IQCM: variants seen among roughly 807,000 people sequenced by gnomAD.
The protein encoded by IQCM is IQ motif containing M, also known as IQ domain-containing protein M.
Under a neutral mutation model 57.6 loss-of-function variants are expected in IQCM, and 45 were observed. The ratio of observed to expected loss-of-function variants is 0.78; its 90% CI spans 0.62 to 1.00. The LOEUF is 1.00. Ranked by LOEUF, IQCM falls within the 50% of genes least tolerant of loss-of-function variation. The probability of loss-of-function intolerance (pLI) is 0.00; values close to 1 mark genes in which losing one functional copy is unlikely to be tolerated. For missense variants in IQCM, 468 were observed against 511.6 expected, an observed-to-expected ratio of 0.91 and a Z score of 0.82; for synonymous variants, 148 against 158.9, an observed-to-expected ratio of 0.93 and a Z score of 0.51.
intron 13 of IQCM, among the ~76,000 whole-genome samples, chr4:149,372,432 T>C (rs1730428220): frequency 6.6e-6 from 1 of 152,234 alleles, no homozygotes; most frequent in African/African-American, 2.4e-5. Context: ...GGCATGTAGA[T>C]ATGTGTAAAC....
At chr4:149,358,844 C>CAGTATATCATCATGATATACTCTCATG (rs1729210236) in intron 13 of IQCM, among the ~76,000 whole-genome samples, 1 of 108,028 alleles carries the variant, frequency 9.3e-6, no homozygotes, top group Non-Finnish European at 2.0e-5. Context: ...GCACAGTGGA[C>CAGTATATCATCATGATATACTCTCATG]AGTATATCAT....
chr4:149,561,474 C>T (rs897627886), intron 10 of IQCM, among the ~76,000 whole-genome samples: 1 of 152,266 alleles, frequency 6.6e-6, no homozygotes, highest in Non-Finnish European at 1.5e-5. Context: ...AATTCATCCA[C>T]TCAATAGGTA....
At chr4:149,508,705 A>C (rs1294285531) in intron 12 of IQCM, among the ~76,000 whole-genome samples, 2 of 152,310 alleles carry the variant, frequency 1.3e-5, no homozygotes, top group East Asian at 3.9e-4. Flanking sequence ...TTTTGAGTTA[A>C]TGCTGAAATG....
chr4:149,524,735 T>C (rs1453106300), intron 12 of IQCM, among the ~76,000 whole-genome samples: 1 of 151,634 alleles, frequency 6.6e-6, no homozygotes, highest in Admixed American at 6.6e-5. Context: ...AAATAATTAA[T>C]CCCATAGAAA....
chr4:149,797,636 C>G (rs1773229641), intron 2 of IQCM, among the ~76,000 whole-genome samples: 2 of 151,826 alleles, frequency 1.3e-5, no homozygotes, highest in Non-Finnish European at 2.9e-5. Flanking sequence ...ATTTAAGAAT[C>G]AAACTCCCAA....
At chr4:149,429,606 T>C (rs1166851089) in intron 13 of IQCM, among the ~76,000 whole-genome samples, 1 of 151,938 alleles carries the variant, frequency 6.6e-6, no homozygotes, top group South Asian at 2.1e-4. Context: ...GTTCTTGCTG[T>C]TGATAGATCT....
chr4:149,400,013 G>GGTTTCTGAATGATTATTTTT (rs1732501061), intron 13 of IQCM, among the ~76,000 whole-genome samples: 1 of 151,882 alleles, frequency 6.6e-6, no homozygotes, highest in South Asian at 2.1e-4. Context: ...AAATACAATT[G>GGTTTCTGAATGATTATTTTT]CAGACTCTGG....
intron 7 of IQCM, among the ~76,000 whole-genome samples, chr4:149,680,628 T>C (rs1762111612): frequency 2.0e-5 from 3 of 151,418 alleles, no homozygotes; most frequent in African/African-American, 7.3e-5. Flanking sequence ...CTGGAATAAG[T>C]ATAAGGAGTC....
At position 149,405,322 on chromosome 4, in the gene IQCM, TTTG is replaced by T. The variant is rs555163959; in HGVS notation, c.1390+28071_1390+28073del. 3.8e-4 allele frequency among the ~76,000 whole-genome samples: 58 copies of T among 152,010 alleles called. 1 individual carries two copies. In the South Asian group the frequency reaches 5.4e-3, roughly 14 times the overall value. On this transcript the variant is annotated intron_variant, in intron 13 of 13. Coordinates refer to ENST00000636793, the MANE Select transcript of IQCM (RefSeq NM_001363507.2). ...CCTTCATTTTAAACACTTTTCTTGG[TTTG>T]TTATTTGTTTTCTTAGCTCCCAAGA...
chr4:149,523,685 T>C lies in IQCM; in HGVS notation c.1228+24770A>G, dbSNP rs552810266. 3.3e-5 allele frequency among the ~76,000 whole-genome samples: 5 copies of C among 152,216 alleles called. No individual in the cohort carries two copies. In the East Asian group the frequency reaches 9.7e-4, roughly 29 times the overall value. ...ATTTATAGGTAGATGGATGGGTGGATAGCTGGATCAATTGATGAACTGATT... is the reference window on the plus strand; with the variant it reads ...ATTTATAGGTAGATGGATGGGTGGACAGCTGGATCAATTGATGAACTGATT... On this transcript the variant is annotated intron_variant, in intron 12 of 13. Transcript: ENST00000636793.
chr4:149,370,574 T>G (rs1040984621), intron 13 of IQCM, among the ~76,000 whole-genome samples: 1 of 136,182 alleles, frequency 7.3e-6, no homozygotes, highest in Non-Finnish European at 1.6e-5. Context: ...ATACACACAC[T>G]ATACACACAC....
At chr4:149,615,726 A>T (rs951784041) in intron 8 of IQCM, among the ~76,000 whole-genome samples, 1 of 152,142 alleles carries the variant, frequency 6.6e-6, no homozygotes, top group Admixed American at 6.5e-5. Flanking sequence ...TTTTGATAAG[A>T]CTAACTAAGT....
At chr4:149,442,715 C>T (rs971529591) in intron 12 of IQCM, among the ~76,000 whole-genome samples, 9 of 151,942 alleles carry the variant, frequency 5.9e-5, no homozygotes, top group African/African-American at 1.5e-4. Context: ...GTTTTCCTTA[C>T]CATGCTCCTC....
chr4:149,677,361 C>T (rs962971243), intron 7 of IQCM, among the ~76,000 whole-genome samples: 14 of 152,058 alleles, frequency 9.2e-5, no homozygotes, highest in African/African-American at 3.4e-4. Context: ...CAAACCTTTG[C>T]CAGCCTATCC....
At chr4:149,540,763 A>T (rs1261363060) in intron 12 of IQCM, among the ~76,000 whole-genome samples, 1 of 152,148 alleles carries the variant, frequency 6.6e-6, no homozygotes. Context: ...GATCCTTATA[A>T]GAACTGACTA....
At chr4:149,700,414 C>T (rs748488253) in intron 5 of IQCM, among the ~76,000 whole-genome samples, 6 of 151,876 alleles carry the variant, frequency 4.0e-5, no homozygotes, top group Non-Finnish European at 7.4e-5. Context: ...CCCCCCCACA[C>T]ATACACACAT....
chr4:149,354,379 A>AAACAAAACAAAAC (rs1560766400), intron 13 of IQCM, among the ~76,000 whole-genome samples: 1 of 142,430 alleles, frequency 7.0e-6, no homozygotes, highest in African/African-American at 2.6e-5. Flanking sequence ...AAAAAAAAAA[A>AAACAAAACAAAAC]AAAAAAAAAA....
intron 13 of IQCM, among the ~76,000 whole-genome samples, chr4:149,383,142 T>C (rs1560790697): frequency 6.6e-6 from 1 of 152,168 alleles, no homozygotes; most frequent in African/African-American, 2.4e-5. Flanking sequence ...GTCTTAAATT[T>C]CTTGTGTCTT....
chr4:149,640,416 T>C (rs1465874062), intron 7 of IQCM, among the ~76,000 whole-genome samples: 1 of 152,228 alleles, frequency 6.6e-6, no homozygotes, highest in Admixed American at 6.5e-5. Context: ...TGCTTCACAA[T>C]TTATAAATTA....
Sources: gnomAD v4.1 joint callset for allele counts (sites outside exome capture counted in the v4.1 genomes callset) on GRCh38, gnomAD v4.1.1 for gene constraint, MANE v1.5 for transcripts, NCBI Gene and HGNC (gene_info 2026-07-23, HGNC 2026-07-21) for gene names.